Variants in PLA2R1 observed in about 807,000 individuals in gnomAD.
PLA2R1 encodes phospholipase A2 receptor 1, also known as secretory phospholipase A2 receptor.
In PLA2R1, 158 loss-of-function variants were observed where a neutral mutation model predicts 195.9. The observed-to-expected ratio is 0.81, with a 90% CI of 0.71 to 0.92. The LOEUF is 0.92. PLA2R1 is among the 40% of genes least tolerant of loss of function. The pLI, the probability that PLA2R1 is intolerant of heterozygous loss-of-function variation, is 0.00. For synonymous variants in PLA2R1, 586 were observed against 598.2 expected, an observed-to-expected ratio of 0.98 and a Z score of 0.30; for missense variants, 1,626 against 1,764.6, an observed-to-expected ratio of 0.92 and a Z score of 1.41.
At chr2:159,986,327 T>C (rs1690333103) in intron 12 of PLA2R1, among the ~76,000 whole-genome samples, 1 of 152,092 alleles carries the variant, frequency 6.6e-6, no homozygotes, top group African/African-American at 2.4e-5. Context: ...AAATCTGAAA[T>C]CTAAAGCACT....
Position 160,023,937 on chromosome 2 carries a change from A to G in PLA2R1, c.1100-1078T>C, listed in dbSNP as rs371008869. 2.8e-4 allele frequency among the ~76,000 whole-genome samples: 37 copies of G among 131,142 alleles called. No individual in the cohort carries two copies. The South Asian group carries it at 5.6e-3, about 20-fold the overall frequency. The allele number at this position is 131,142 out of a possible 152,430, so 86.0% of individuals were successfully genotyped here. On this transcript the variant is annotated intron_variant, in intron 6 of 29. Coordinates refer to ENST00000283243, the MANE Select transcript of PLA2R1 (RefSeq NM_007366.5). ...CCGTTATAAGCAGCTCAGAGCCAGG[A>G]GAGACTTCTCTCTGTAAGGAAAGGA...
At chr2:160,055,942 T>C (rs1318591650) in intron 1 of PLA2R1, among the ~76,000 whole-genome samples, 1 of 152,110 alleles carries the variant, frequency 6.6e-6, no homozygotes, top group Non-Finnish European at 1.5e-5. Flanking sequence ...CTCATCGCCC[T>C]CTTTCAGAAG....
intron 11 of PLA2R1, among the ~76,000 whole-genome samples, chr2:159,990,176 G>C (rs1051032750): frequency 6.6e-6 from 1 of 152,002 alleles, no homozygotes; most frequent in East Asian, 1.9e-4. Flanking sequence ...TAAGGGTAAG[G>C]GTGTGGGAAA....
chr2:159,969,104 C>T (rs112935491), intron 19 of PLA2R1, 152 bp downstream of exon 19: 2 of 548,452 alleles, frequency 3.6e-6, no homozygotes, highest in Non-Finnish European at 6.5e-6. Flanking sequence ...AAATGGCCAT[C>T]CTTAAGCCTT....
intron 7 of PLA2R1, among the ~76,000 whole-genome samples, chr2:160,021,026 G>C (rs564435828): frequency 6.6e-6 from 1 of 152,020 alleles, no homozygotes; most frequent in Admixed American, 6.6e-5. Flanking sequence ...TCTGCCTAGA[G>C]AAAGGAAAAA....
At chr2:159,996,474 T>C (rs889413754) in intron 11 of PLA2R1, among the ~76,000 whole-genome samples, 2 of 152,112 alleles carry the variant, frequency 1.3e-5, no homozygotes, top group South Asian at 4.1e-4. Context: ...AGATTTTGTC[T>C]TTATCTTTTA....
chr2:160,005,268 C>A (rs1000428096), intron 11 of PLA2R1, among the ~76,000 whole-genome samples: 3 of 152,068 alleles, frequency 2.0e-5, no homozygotes, highest in Non-Finnish European at 4.4e-5. Flanking sequence ...CAGTCTGTCT[C>A]TACAGAAAAT....
chr2:159,943,603 C>T (rs927544586), intron 28 of PLA2R1, among the ~76,000 whole-genome samples: 1 of 152,128 alleles, frequency 6.6e-6, no homozygotes, highest in East Asian at 1.9e-4. Context: ...TTTGCACAGG[C>T]ACTTTTCCCG....
chr2:159,949,870 G>A (rs1687631990), intron 24 of PLA2R1, 94 bp from the exon 25 acceptor site: 8 of 948,376 alleles, frequency 8.4e-6, no homozygotes, highest in Non-Finnish European at 1.2e-5. Flanking sequence ...CACATCGATT[G>A]CTATTTCTGC....
rs1687080846 is a variant in PLA2R1, at chr2:159,941,426, G to T, written c.*352C>A. 2 of 166,720 alleles carry T rather than the reference G, an allele frequency of 1.2e-5. No individual in the cohort carries two copies. The highest frequency in any genetic ancestry group is 2.6e-5 in the Non-Finnish European group (2 of 77,322). The allele number at this position is 166,720 out of a possible 1,614,324, so 10.3% of individuals were successfully genotyped here. ...AAATGTCTGAATAGATACCAGATTA[G>T]TTTTAAAATTCCCCCAAATTTTAGT... On this transcript the variant is annotated 3_prime_UTR_variant, in exon 30 of 30. Transcript: ENST00000283243.
intron 1 of PLA2R1, among the ~76,000 whole-genome samples, chr2:160,048,054 A>G (rs1377889044): frequency 6.6e-6 from 1 of 152,030 alleles, no homozygotes; most frequent in Non-Finnish European, 1.5e-5. Context: ...GATGGTCTCA[A>G]ACTCCTGGGC....
intron 17 of PLA2R1, among the ~76,000 whole-genome samples, chr2:159,973,282 C>A (rs1689308239): frequency 6.6e-6 from 1 of 152,070 alleles, no homozygotes; most frequent in Non-Finnish European, 1.5e-5. Flanking sequence ...CCAAGGTAGG[C>A]ACAAATTATG....
chr2:159,988,156 C>CAAAAAAAAA (rs80154749), intron 11 of PLA2R1, among the ~76,000 whole-genome samples: 1 of 146,174 alleles, frequency 6.8e-6, no homozygotes, highest in African/African-American at 2.5e-5. Flanking sequence ...CATATGACAG[C>CAAAAAAAAA]AAAAAAAAAA....
At chr2:159,960,369 T>C (rs1000655033) in intron 20 of PLA2R1, among the ~76,000 whole-genome samples, 2 of 152,186 alleles carry the variant, frequency 1.3e-5, no homozygotes, top group Non-Finnish European at 2.9e-5. Flanking sequence ...CTCTAGTGTG[T>C]AAGCACCAAA....
chr2:160,038,246 TCTAA>T (rs566591349), intron 3 of PLA2R1, among the ~76,000 whole-genome samples: 126 of 152,272 alleles, frequency 8.3e-4, no homozygotes, highest in African/African-American at 2.9e-3. Flanking sequence ...CTCGCACAGG[TCTAA>T]CTGCTAAGGA....
chr2:159,968,638 G>A (rs1201075708), intron 19 of PLA2R1, among the ~76,000 whole-genome samples: 1 of 152,118 alleles, frequency 6.6e-6, no homozygotes, highest in Non-Finnish European at 1.5e-5. Context: ...TAGAGTAATG[G>A]GTATCATTAT....
intron 14 of PLA2R1, among the ~76,000 whole-genome samples, chr2:159,977,798 C>G (rs1375449645): frequency 1.3e-5 from 2 of 151,984 alleles, no homozygotes; most frequent in Non-Finnish European, 2.9e-5. Flanking sequence ...AAAAAATTAG[C>G]TGGTTGTGGT....
rs1202701394 is a variant in PLA2R1 at position 160,005,566 on chromosome 2, A to G, written c.1834+86T>C. The stretch of plus-strand genomic sequence containing the variant: ...TTAGGCATTAAGAAAACATTAAGAA[A>G]GAATCAAAGGAGGTGGGCCAAGGGG... On this transcript the variant is annotated intron_variant, in intron 11 of 29. Coordinates refer to ENST00000283243, the MANE Select transcript of PLA2R1 (RefSeq NM_007366.5). 8.2e-6 allele frequency: 9 copies of G among 1,095,012 alleles called. No individual in the cohort carries two copies. In the East Asian group the frequency reaches 2.2e-4, roughly 26 times the overall value. 67.8% of individuals were successfully genotyped at this position (1,095,012 alleles called of 1,614,324 possible).
chr2:160,042,270 A>G, intron 2 of PLA2R1, 72 bp from the exon 3 acceptor site: 1 of 1,382,202 alleles, frequency 7.2e-7, no homozygotes, highest in Non-Finnish European at 1.0e-6. Flanking sequence ...CTATATATCG[A>G]AAGCATTTTT....
Sources: gnomAD v4.1 joint callset for allele counts (sites outside exome capture counted in the v4.1 genomes callset) on GRCh38, gnomAD v4.1.1 for gene constraint, MANE v1.5 for transcripts, NCBI Gene and HGNC (gene_info 2026-07-23, HGNC 2026-07-21) for gene names.